Variants in RGL1 observed in about 807,000 individuals in gnomAD.
RGL1 encodes ral guanine nucleotide dissociation stimulator like 1.
In RGL1, 24 loss-of-function variants were observed where a neutral mutation model predicts 95.2. The ratio of observed to expected loss-of-function variants is 0.25; its 90% CI spans 0.18 to 0.35. The LOEUF (loss-of-function observed/expected upper bound fraction) is 0.35. RGL1 is among the 10% of genes least tolerant of loss of function. RGL1 has a pLI of 1.00. For synonymous variants in RGL1, 329 were observed against 344.9 expected (o/e 0.95, Z 0.51); for missense variants, 715 against 936.3 (o/e 0.76, Z 3.08).
At chr1:183,649,488 AG>A (rs1650560818) in intron 1 of RGL1, among the ~76,000 whole-genome samples, 7 of 152,076 alleles carry the variant, frequency 4.6e-5, no homozygotes, top group Non-Finnish European at 8.8e-5. Context: ...AATAATTTGG[AG>A]GTTTTTGGGT....
intron 1 of RGL1, among the ~76,000 whole-genome samples, chr1:183,673,300 A>G (rs943754679): frequency 2.6e-5 from 4 of 152,194 alleles, no homozygotes; most frequent in African/African-American, 9.7e-5. Flanking sequence ...GGGTTCCTGA[A>G]CTATATAGGT....
intron 17 of RGL1, among the ~76,000 whole-genome samples, chr1:183,924,473 G>C (rs1391159675): frequency 2.6e-5 from 4 of 151,978 alleles, no homozygotes; most frequent in Non-Finnish European, 5.9e-5. Context: ...GGGGCCTGTT[G>C]GGGGGTGGAA....
At chr1:183,654,721 T>C (rs1159520496) in intron 1 of RGL1, among the ~76,000 whole-genome samples, 1 of 152,206 alleles carries the variant, frequency 6.6e-6, no homozygotes, top group East Asian at 1.9e-4. Context: ...GATATACCTA[T>C]GGAAGGTTAA....
chr1:183,682,615 A>G (rs574036065), intron 1 of RGL1, among the ~76,000 whole-genome samples: 22 of 152,254 alleles, frequency 1.4e-4, no homozygotes, highest in South Asian at 1.0e-3. Flanking sequence ...AATAAGTGCG[A>G]TGAGGTGCTG....
At chr1:183,901,231 G>A (rs530674746) in intron 11 of RGL1, among the ~76,000 whole-genome samples, 38 of 152,074 alleles carry the variant, frequency 2.5e-4, no homozygotes, top group Non-Finnish European at 4.0e-4. Context: ...CCCGAGAGGC[G>A]GAGGTTGCAG....
At chr1:183,645,011 GCATACCC>G (rs1274540840) in intron 1 of RGL1, among the ~76,000 whole-genome samples, 1 of 152,130 alleles carries the variant, frequency 6.6e-6, no homozygotes, top group Non-Finnish European at 1.5e-5. Context: ...ATGCCTTTGT[GCATACCC>G]CATCCACCAC....
intron 1 of RGL1, among the ~76,000 whole-genome samples, chr1:183,645,756 C>T (rs898113138): frequency 6.6e-6 from 1 of 152,214 alleles, no homozygotes; most frequent in African/African-American, 2.4e-5. Flanking sequence ...AACTAGCCCA[C>T]ATTTCTTGTT....
intron 1 of RGL1, among the ~76,000 whole-genome samples, chr1:183,696,968 G>T (rs2102129462): frequency 6.6e-6 from 1 of 152,114 alleles, no homozygotes; most frequent in South Asian, 2.1e-4. Flanking sequence ...TTTCATTGTT[G>T]GACCTCTACA....
At chr1:183,647,776 G>A in intron 1 of RGL1, 1 of 1,614,164 alleles carries the variant, frequency 6.2e-7, no homozygotes, top group Non-Finnish European at 8.5e-7. Flanking sequence ...CCAGTGGGAA[G>A]CCTTCCAAGG....
chr1:183,852,891 G>A (rs1664912489), intron 3 of RGL1, among the ~76,000 whole-genome samples: 1 of 152,180 alleles, frequency 6.6e-6, no homozygotes, highest in Non-Finnish European at 1.5e-5. Context: ...AATGTAGGGA[G>A]AAACCTACTT....
intron 2 of RGL1, among the ~76,000 whole-genome samples, chr1:183,750,522 G>A (rs1657924795): frequency 6.6e-6 from 1 of 152,244 alleles, no homozygotes. Flanking sequence ...TTTAGCTGGA[G>A]GAATTTGTTA....
At chr1:183,868,744 A>G (rs1433583125) in intron 4 of RGL1, among the ~76,000 whole-genome samples, 1 of 152,214 alleles carries the variant, frequency 6.6e-6, no homozygotes, top group Non-Finnish European at 1.5e-5. Context: ...TATTATACAC[A>G]TATTTTGGAA....
intron 9 of RGL1, among the ~76,000 whole-genome samples, chr1:183,895,257 T>C (rs1667624005): frequency 6.6e-6 from 1 of 152,108 alleles, no homozygotes; most frequent in South Asian, 2.1e-4. Flanking sequence ...CAGAGTCCAG[T>C]AGACAAGTTC....
chr1:183,923,513 A>G (rs930762586), intron 17 of RGL1, among the ~76,000 whole-genome samples: 2 of 152,140 alleles, frequency 1.3e-5, no homozygotes, highest in South Asian at 4.1e-4. Flanking sequence ...ACACAGCACT[A>G]AGGTGAGGCT....
At chr1:183,699,924 T>A (rs1654481255) in intron 1 of RGL1, among the ~76,000 whole-genome samples, 1 of 152,180 alleles carries the variant, frequency 6.6e-6, no homozygotes, top group Non-Finnish European at 1.5e-5. Context: ...CCTAGGAGTG[T>A]CTACCTCACA....
At chr1:183,804,282 C>A (rs1372426317), upstream of RGL1, among the ~76,000 whole-genome samples, 1 of 151,780 alleles carries the variant, frequency 6.6e-6, no homozygotes, top group Non-Finnish European at 1.5e-5. Flanking sequence ...TTGCAATTTG[C>A]ATGGAATTCT....
rs149431090 is a variant in RGL1 at position 183,844,884 on chromosome 1, C to A, written c.139-2682C>A. Among the ~76,000 whole-genome samples, 144 of 152,346 alleles carry A rather than the reference C, an allele frequency of 9.5e-4. 1 individual carries two copies. The East Asian group carries it at 0.022, about 23-fold the overall frequency. On this transcript the variant is annotated intron_variant, in intron 2 of 17. Coordinates refer to ENST00000360851, the MANE Select transcript of RGL1 (RefSeq NM_001297671.3). ...AAATTAAATAAAGAGATAAAGCCAT[C>A]TACCACATAAGCTGGAGTCTTAATT...
At chr1:183,703,002 G>A (rs1316389083) in intron 1 of RGL1, among the ~76,000 whole-genome samples, 1 of 152,056 alleles carries the variant, frequency 6.6e-6, no homozygotes, top group African/African-American at 2.4e-5. Flanking sequence ...TACCTCTCTC[G>A]GTCTTCAGGG....
chr1:183,798,426 A>AGTATATTCC (rs1350946841), intron 2 of RGL1, among the ~76,000 whole-genome samples: 1 of 152,146 alleles, frequency 6.6e-6, no homozygotes, highest in African/African-American at 2.4e-5. Flanking sequence ...TTTGGGGATA[A>AGTATATTCC]GTATATTCCC....
Sources: allele counts gnomAD v4.1 joint callset (sites outside exome capture counted in the v4.1 genomes callset), GRCh38; gene constraint gnomAD v4.1.1; transcripts MANE v1.5; gene names NCBI Gene and HGNC (gene_info 2026-07-23, HGNC 2026-07-21).